MRPL22: variants seen among roughly 807,000 people sequenced by gnomAD.
MRPL22 encodes mitochondrial ribosomal protein L22.
MRPL22 carries 27 observed loss-of-function variants against 32.4 expected under a neutral mutation model. That is an observed-to-expected ratio of 0.83 (90% CI 0.61 to 1.15). The LOEUF (loss-of-function observed/expected upper bound fraction) is 1.15. Among genes scored for constraint, MRPL22 ranks in the 50% most tolerant of loss-of-function variants. The pLI is 0.00. For synonymous variants in MRPL22, 86 were observed against 87.3 expected, an observed-to-expected ratio of 0.99 and a Z score of 0.08; for missense variants, 239 against 260.2, an observed-to-expected ratio of 0.92 and a Z score of 0.56.
rs1202979075 is a variant in MRPL22, at chr5:154,950,869, T to G, written c.126T>G (p.Ser42=). Residue 42 remains serine, a synonymous_variant, in exon 3 of 7, where the codon TCT becomes TCG. Coordinates refer to ENST00000523037, the MANE Select transcript of MRPL22 (RefSeq NM_014180.4). ...YIHTSASLDI[S]RKWEKKNKIV... The stretch of plus-strand genomic sequence containing the variant: ...ACACAAGTGCTTCTCTTGACATTTC[T>G]CGAAAATGGGAGAAGAAGAATAAAA... 1 of 1,613,882 alleles carries G rather than the reference T, an allele frequency of 6.2e-7. No homozygotes were observed. Among genetic ancestry groups the G allele is most frequent in the East Asian group, 2.2e-5 (1 of 44,870 alleles).
chr5:154,946,687 G>C (rs571046246), intron 2 of MRPL22, among the ~76,000 whole-genome samples: 9 of 152,256 alleles, frequency 5.9e-5, no homozygotes, highest in African/African-American at 2.2e-4. Context: ...GGGGTGCGGT[G>C]GTGCGTCCCT....
intron 6 of MRPL22, among the ~76,000 whole-genome samples, chr5:154,963,795 A>G (rs1368734938): frequency 1.3e-5 from 2 of 152,208 alleles, no homozygotes; most frequent in African/African-American, 2.4e-5. Flanking sequence ...AGTAGAGAAG[A>G]AAAGGTCAAT....
At chr5:154,947,456 G>A (rs1429485524) in intron 2 of MRPL22, among the ~76,000 whole-genome samples, 1 of 152,202 alleles carries the variant, frequency 6.6e-6, no homozygotes, top group Non-Finnish European at 1.5e-5. Context: ...TAGGATAGGA[G>A]ATAGTGAACT....
intron 2 of MRPL22, among the ~76,000 whole-genome samples, chr5:154,945,505 G>C (rs1561737708): frequency 6.6e-6 from 1 of 152,224 alleles, no homozygotes; most frequent in Non-Finnish European, 1.5e-5. Flanking sequence ...TCAGGGAACG[G>C]ATGTACATTT....
chr5:154,966,989 C>T lies in MRPL22; in HGVS notation c.*92C>T, dbSNP rs1764778957. 2 of 1,291,152 alleles carry T rather than the reference C, an allele frequency of 1.5e-6. No individual in the cohort carries two copies. The highest frequency in any genetic ancestry group is 2.1e-6 in the Non-Finnish European group (2 of 946,132). The allele number at this position is 1,291,152 out of a possible 1,614,324, so 80.0% of individuals were successfully genotyped here. A position where few individuals can be genotyped will look rare whatever the true frequency, so the allele number is the denominator to read the frequency against. Reference sequence around the variant, plus strand: ...AAGGCAAATGCTTTTTATGATTTCTCATTGAATTATTGAAACAGTGTATAA... The same window carrying T: ...AAGGCAAATGCTTTTTATGATTTCTTATTGAATTATTGAAACAGTGTATAA... On this transcript the variant is annotated 3_prime_UTR_variant, in exon 7 of 7. Transcript: ENST00000523037.
At chr5:154,941,543 C>A (rs1378342492) in intron 2 of MRPL22, among the ~76,000 whole-genome samples, 1 of 152,204 alleles carries the variant, frequency 6.6e-6, no homozygotes, top group African/African-American at 2.4e-5. Flanking sequence ...TATTCCATCT[C>A]CATATGGAAG....
chr5:154,958,270 C>T (rs183883413), intron 5 of MRPL22, among the ~76,000 whole-genome samples: 177 of 151,986 alleles, frequency 1.2e-3, no homozygotes, highest in Non-Finnish European at 1.9e-3. Flanking sequence ...GATTATTGTC[C>T]GTTACCATCT....
intron 2 of MRPL22, among the ~76,000 whole-genome samples, chr5:154,943,733 A>G (rs1764452138): frequency 6.6e-6 from 1 of 151,258 alleles, no homozygotes; most frequent in South Asian, 2.1e-4. Flanking sequence ...GGAGTGCGGT[A>G]TCATGATCAT....
chr5:154,958,955 A>G (rs1015785672), intron 5 of MRPL22: 3 of 152,140 alleles, frequency 2.0e-5, no homozygotes, highest in Non-Finnish European at 4.4e-5. Context: ...ATCAAGTGTG[A>G]TTTTCTCTAC....
chr5:154,944,311 C>G (rs1764460283), intron 2 of MRPL22, among the ~76,000 whole-genome samples: 1 of 152,120 alleles, frequency 6.6e-6, no homozygotes, highest in Non-Finnish European at 1.5e-5. Flanking sequence ...ACAGGCTGGT[C>G]TCGCACTCTT....
intron 2 of MRPL22, among the ~76,000 whole-genome samples, chr5:154,941,898 G>A (rs1764422750): frequency 6.6e-6 from 1 of 152,170 alleles, no homozygotes; most frequent in Non-Finnish European, 1.5e-5. Flanking sequence ...TTTGAAAATT[G>A]ATAATCTGAT....
Position 154,950,709 on chromosome 5 carries a change from A to G in MRPL22, c.78-112A>G, listed in dbSNP as rs1213453957. On this transcript the variant is annotated intron_variant, in intron 2 of 6. Transcript: ENST00000523037. The stretch of plus-strand genomic sequence containing the variant: ...TACCTCTAGAATATTTCCAGTTGTG[A>G]TCCTTAAATTGTTTTCATCAAAATG... 5.3e-6 allele frequency: 4 copies of G among 757,754 alleles called. No individual in the cohort carries two copies. In the African/African-American group the frequency reaches 7.0e-5, roughly 13 times the overall value. The allele number at this position is 757,754 out of a possible 1,614,324, so 46.9% of individuals were successfully genotyped here. A position where few individuals can be genotyped will look rare whatever the true frequency, so the allele number is the denominator to read the frequency against.
At chr5:154,953,033 A>G (rs1764583742) in intron 3 of MRPL22, among the ~76,000 whole-genome samples, 1 of 152,216 alleles carries the variant, frequency 6.6e-6, no homozygotes, top group African/African-American at 2.4e-5. Context: ...ATAGATTCTT[A>G]TGTAGATTTT....
At chr5:154,941,560 A>C (rs1342748939) in intron 2 of MRPL22, among the ~76,000 whole-genome samples, 1 of 152,218 alleles carries the variant, frequency 6.6e-6, no homozygotes, top group East Asian at 1.9e-4. Context: ...GAAGCGTCCA[A>C]CTTTTCAAGT....
chr5:154,956,235 G>A, intron 3 of MRPL22, 136 bp from the exon 4 acceptor site: 1 of 645,862 alleles, frequency 1.5e-6, no homozygotes, highest in South Asian at 1.9e-5. Flanking sequence ...TAAATTCTTA[G>A]TAATGTTTCT....
Position 154,957,316 on chromosome 5 carries a change from T to C in MRPL22, c.339+104T>C, listed in dbSNP as rs568074231. On this transcript the variant is annotated intron_variant, in intron 5 of 6. Coordinates refer to ENST00000523037, the MANE Select transcript of MRPL22 (RefSeq NM_014180.4). ...CCTAAATCATGAATTCCCTAAATTTTCTGTTGTAAATGCATACTTTATATA... is the reference window on the plus strand; with the variant it reads ...CCTAAATCATGAATTCCCTAAATTTCCTGTTGTAAATGCATACTTTATATA... The C allele has an allele frequency of 3.0e-5, 28 of 945,614 alleles. No individual in the cohort carries two copies. In the South Asian group the frequency reaches 4.0e-4, roughly 14 times the overall value. The allele number at this position is 945,614 out of a possible 1,614,324, so 58.6% of individuals were successfully genotyped here.
At position 154,966,714 on chromosome 5, in the gene MRPL22, C is replaced by T. The variant is rs1233355127; in HGVS notation, c.438C>T (p.Cys146=). 1 of 1,614,064 alleles carries T rather than the reference C, an allele frequency of 6.2e-7. No homozygotes were observed. The highest frequency in any genetic ancestry group is 1.7e-5 in the Admixed American group (1 of 60,030). Residue 146 remains cysteine (C), a synonymous_variant, in exon 7 of 7, where the codon TGC becomes TGT. Transcript: ENST00000523037. Reference sequence around the variant, plus strand: ...AGTCCACCTCAGGACGAGGCCAGTGCCTGAAACGCATCCGCTACCATGGCA... The same window carrying T: ...AGTCCACCTCAGGACGAGGCCAGTGTCTGAAACGCATCCGCTACCATGGCA... The part of the protein sequence containing the change: ...IAESTSGRGQ[C]LKRIRYHGRG...
Position 154,967,938 on chromosome 5 carries a change from G to A in MRPL22, c.*1041G>A, listed in dbSNP as rs1262852906. 1 of 152,140 alleles carries A rather than the reference G, an allele frequency of 6.6e-6. No individual in the cohort carries two copies. Among genetic ancestry groups the A allele is most frequent in the African/African-American group, 2.4e-5 (1 of 41,422 alleles). The allele number at this position is 152,140 out of a possible 1,614,324, so 9.4% of individuals were successfully genotyped here. A position where few individuals can be genotyped will look rare whatever the true frequency, so the allele number is the denominator to read the frequency against. On this transcript the variant is annotated 3_prime_UTR_variant, in exon 7 of 7. Transcript: ENST00000523037. The surrounding 1 kb of genome is among the most constrained non-coding windows in gnomAD (Gnocchi z 4.7). The stretch of plus-strand genomic sequence containing the variant: ...GTAGGGGACTACGCTTTGAGAATAC[G>A]GCTTTAGGAGAATGAAAAAATGTAG...
chr5:154,958,575 C>G (rs911958571), intron 5 of MRPL22, among the ~76,000 whole-genome samples: 1 of 134,400 alleles, frequency 7.4e-6, no homozygotes, highest in Non-Finnish European at 1.6e-5. Flanking sequence ...GATGGAGCCT[C>G]GCCCTGTCGC....
Sources: allele counts gnomAD v4.1 joint callset (sites outside exome capture counted in the v4.1 genomes callset), GRCh38; gene constraint gnomAD v4.1.1; non-coding constraint Gnocchi (gnomAD v3.1); transcripts MANE v1.5; gene names NCBI Gene and HGNC (gene_info 2026-07-23, HGNC 2026-07-21).